MBNL3: variants seen among roughly 807,000 people sequenced by gnomAD.
The protein encoded by MBNL3 is muscleblind like splicing regulator 3, also known as muscleblind-like protein 3.
In MBNL3, 6 loss-of-function variants were observed where a neutral mutation model predicts 24.5. The observed-to-expected ratio is 0.25, with a 90% CI of 0.13 to 0.48. MBNL3 has a LOEUF of 0.48. Ranked by LOEUF, MBNL3 falls within the 20% of genes least tolerant of loss-of-function variation. The probability of loss-of-function intolerance (pLI) is 0.99; values close to 1 mark genes in which losing one functional copy is unlikely to be tolerated. For synonymous variants in MBNL3, 100 were observed against 101.7 expected, an observed-to-expected ratio of 0.98 and a Z score of 0.10; for missense variants, 230 against 293.5, an observed-to-expected ratio of 0.78 and a Z score of 1.58.
chrX:132,439,218 A>G (rs1219996848), intron 2 of MBNL3, among the ~76,000 whole-genome samples: 1 of 111,656 alleles, frequency 9.0e-6, no homozygotes, highest in East Asian at 2.8e-4. Flanking sequence ...TGAGCTTTAG[A>G]CTTGGCTTAG....
chrX:132,396,535 T>C (rs1401083021), intron 3 of MBNL3, among the ~76,000 whole-genome samples: 3 of 58,440 alleles, frequency 5.1e-5, no homozygotes, highest in Non-Finnish European at 8.0e-5. Flanking sequence ...TATATATTCA[T>C]ATATATATTC....
intron 7 of MBNL3, among the ~76,000 whole-genome samples, chrX:132,383,283 T>C (rs1935364194): frequency 8.9e-6 from 1 of 112,062 alleles, no homozygotes; most frequent in African/African-American, 3.2e-5. Context: ...CCCCAAATGG[T>C]GATTAACAGA....
chrX:132,410,036 A>C (rs1223693384), intron 2 of MBNL3, among the ~76,000 whole-genome samples: 1 of 111,597 alleles, frequency 9.0e-6, no homozygotes, highest in Non-Finnish European at 1.9e-5. Flanking sequence ...TGAAAAATGC[A>C]CTCAAAAAGC....
chrX:132,420,436 A>G (rs918162242), intron 2 of MBNL3, among the ~76,000 whole-genome samples: 1 of 110,836 alleles, frequency 9.0e-6, no homozygotes, highest in African/African-American at 3.3e-5. Context: ...AGCAAGATTT[A>G]ATAGAGTGAA....
chrX:132,463,344 C>T (rs1946725095), intron 1 of MBNL3, among the ~76,000 whole-genome samples: 3 of 111,564 alleles, frequency 2.7e-5, no homozygotes, highest in South Asian at 7.6e-4. Context: ...CGCCTGTAGT[C>T]CCAGCTACTC....
intron 1 of MBNL3, among the ~76,000 whole-genome samples, chrX:132,455,086 A>C (rs1180018447): frequency 8.9e-6 from 1 of 111,949 alleles, no homozygotes; most frequent in African/African-American, 3.3e-5. Context: ...ACACTAAAGA[A>C]AGTTGTGTAA....
upstream of MBNL3, among the ~76,000 whole-genome samples, chrX:132,489,204 C>G (rs1018702174): frequency 8.9e-6 from 1 of 112,702 alleles, no homozygotes; most frequent in African/African-American, 3.2e-5. Context: ...ACGGTTCCCC[C>G]TCTCCCTTCG....
At chrX:132,483,876 T>G (rs1947868272) in intron 1 of MBNL3, among the ~76,000 whole-genome samples, 1 of 112,223 alleles carries the variant, frequency 8.9e-6, no homozygotes. Flanking sequence ...AATCAACATC[T>G]GACTGAAAAT....
At chrX:132,484,933 GCA>G (rs3044539) in intron 1 of MBNL3, among the ~76,000 whole-genome samples, 1,981 of 102,228 alleles carry the variant, frequency 0.019, 36 homozygotes, top group African/African-American at 0.061. Context: ...ATACACACGC[GCA>G]CACACACACA....
chrX:132,485,265 CGTGT>C (rs1218303646), intron 1 of MBNL3, among the ~76,000 whole-genome samples: 1 of 111,361 alleles, frequency 9.0e-6, no homozygotes, highest in African/African-American at 3.3e-5. Flanking sequence ...CACTCATGTA[CGTGT>C]GTGTTTGTGT....
intron 2 of MBNL3, chrX:132,430,024 T>C (rs1354935584): frequency 9.0e-6 from 1 of 111,429 alleles, no homozygotes; most frequent in African/African-American, 3.3e-5. Context: ...GTATGAGCGC[T>C]TTCTTAACTA....
intron 2 of MBNL3, among the ~76,000 whole-genome samples, chrX:132,424,649 TTTCC>T (rs1248381736): frequency 9.0e-6 from 1 of 111,592 alleles, no homozygotes; most frequent in African/African-American, 3.3e-5. Context: ...TTCATTACAC[TTTCC>T]TTATGTTTTT....
intron 1 of MBNL3, among the ~76,000 whole-genome samples, chrX:132,466,203 G>T (rs781727599): frequency 1.8e-5 from 2 of 112,456 alleles, no homozygotes; most frequent in Non-Finnish European, 3.8e-5. Context: ...ACATAAGACA[G>T]TGAAAAAAGT....
chrX:132,431,173 C>T (rs146146124), intron 2 of MBNL3: 24 of 111,690 alleles, frequency 2.1e-4, no homozygotes, highest in African/African-American at 7.2e-4. Flanking sequence ...TCCTGTTTCT[C>T]CTCCAACTTT....
chrX:132,463,099 C>T (rs551611758), intron 1 of MBNL3, among the ~76,000 whole-genome samples: 22 of 112,521 alleles, frequency 2.0e-4, no homozygotes, highest in East Asian at 2.8e-4. Flanking sequence ...AAGAAAAGTA[C>T]TCATAATTAC....
At chrX:132,485,710 C>A (rs1947976134) in intron 1 of MBNL3, among the ~76,000 whole-genome samples, 1 of 112,229 alleles carries the variant, frequency 8.9e-6, no homozygotes, top group Non-Finnish European at 1.9e-5. Flanking sequence ...GGTTAATTGA[C>A]AATTAAACAA....
At chrX:132,413,647 T>G in intron 2 of MBNL3, 5 of 1,046,665 alleles carry the variant, frequency 4.8e-6, no homozygotes, top group Non-Finnish European at 6.2e-6. Context: ...GATCCATAGC[T>G]CCTCCCACCA....
rs1295096952 is a variant in MBNL3 at position 132,373,718 on chromosome X, G to A, written c.*5948C>T. Reference sequence around the variant, plus strand: ...CTCATTGCCTGGGGGCAAAAAGAAAGTTAACTGGCTATCTATAGGTGGCGT... The same window carrying A: ...CTCATTGCCTGGGGGCAAAAAGAAAATTAACTGGCTATCTATAGGTGGCGT... On this transcript the variant is annotated 3_prime_UTR_variant, in exon 9 of 9. Coordinates refer to ENST00000370853, the MANE Select transcript of MBNL3 (RefSeq NM_001386889.1). 8.9e-6 allele frequency: 1 copy of A among 111,917 alleles called. No homozygotes were observed. Among genetic ancestry groups the A allele is most frequent in the Non-Finnish European group, 1.9e-5 (1 of 53,097 alleles). The allele number at this position is 111,917 out of a possible 1,213,427, so 9.2% of individuals were successfully genotyped here. A position where few individuals can be genotyped will look rare whatever the true frequency, so the allele number is the denominator to read the frequency against.
rs1938065735 is a variant in MBNL3, at chrX:132,395,792, A to T, written c.343-3458T>A. Among the ~76,000 whole-genome samples, 3 of 111,083 alleles carry T rather than the reference A, an allele frequency of 2.7e-5. No homozygotes were observed. The South Asian group carries it at 1.1e-3, about 42-fold the overall frequency. ...TCCAAGAGTCAGATAAAGGCTGCAG[A>T]CTCTGTCCACAGAAAAATTCATGTA... On this transcript the variant is annotated intron_variant, in intron 3 of 8. Transcript: ENST00000370853.
Sources: gnomAD v4.1 joint callset for allele counts (sites outside exome capture counted in the v4.1 genomes callset) on GRCh38, gnomAD v4.1.1 for gene constraint, MANE v1.5 for transcripts, NCBI Gene and HGNC (gene_info 2026-07-23, HGNC 2026-07-21) for gene names.